THNSL1: variants seen among roughly 807,000 people sequenced by gnomAD.
THNSL1 encodes the protein threonine synthase like 1.
Under a neutral mutation model 50.4 loss-of-function variants are expected in THNSL1, and 48 were observed. The observed-to-expected ratio is 0.95, with a 90% CI of 0.76 to 1.21. THNSL1 has a LOEUF of 1.21. THNSL1 is among the 50% of genes most tolerant of loss of function. The pLI, the probability that THNSL1 is intolerant of heterozygous loss-of-function variation, is 0.00. For missense variants in THNSL1, 896 were observed against 871.7 expected (o/e 1.03, Z -0.35); for synonymous variants, 309 against 306.1 (o/e 1.01, Z -0.10).
the THNSL1 span, among the ~76,000 whole-genome samples, chr10:24,957,403 T>C: frequency 6.6e-6 from 1 of 152,240 alleles, no homozygotes; most frequent in African/African-American, 2.4e-5. Flanking sequence ...GTTTCCACTA[T>C]GTTTTTTTTC....
At chr10:24,974,365 A>G in the THNSL1 span, among the ~76,000 whole-genome samples, 1 of 152,196 alleles carries the variant, frequency 6.6e-6, no homozygotes. Flanking sequence ...GGATTGTAAT[A>G]ATAAAATATC....
At chr10:24,994,097 A>G in the THNSL1 span, among the ~76,000 whole-genome samples, 1 of 152,170 alleles carries the variant, frequency 6.6e-6, no homozygotes, top group Non-Finnish European at 1.5e-5. Flanking sequence ...GTGTCCTCTG[A>G]AAACAGCCTT....
chr10:24,965,492 ATC>A, the THNSL1 span, among the ~76,000 whole-genome samples: 1 of 152,154 alleles, frequency 6.6e-6, no homozygotes, highest in Non-Finnish European at 1.5e-5. Context: ...TCATCAAATT[ATC>A]TCTGTCAATT....
chr10:24,972,522 A>AAAAAAAAAT, the THNSL1 span, among the ~76,000 whole-genome samples: 79 of 150,138 alleles, frequency 5.3e-4, no homozygotes, highest in African/African-American at 1.9e-3. Context: ...AAAAAAAAAT[A>AAAAAAAAAT]AATAATAATA....
chr10:24,953,045 C>T, the THNSL1 span, among the ~76,000 whole-genome samples: 1 of 152,050 alleles, frequency 6.6e-6, no homozygotes, highest in African/African-American at 2.4e-5. Flanking sequence ...CTCCTCCCTG[C>T]CAGATTTCAT....
the THNSL1 span, chr10:24,952,396 TC>T: frequency 9.3e-7 from 1 of 1,079,228 alleles, no homozygotes; most frequent in Non-Finnish European, 1.4e-6. The surrounding 1 kb of genome is among the most constrained non-coding windows in gnomAD (Gnocchi z 5.1). Flanking sequence ...ATGGAAGCGA[TC>T]CCCGCCGGGA....
At chr10:25,012,090 C>T (rs185229461), upstream of THNSL1, among the ~76,000 whole-genome samples, 96 of 152,350 alleles carry the variant, frequency 6.3e-4, no homozygotes, top group African/African-American at 2.0e-3. Flanking sequence ...TCAGAGGGTG[C>T]GAGCCCCAAG....
At chr10:24,952,453 G>A in the THNSL1 span, 1 of 1,478,296 alleles carries the variant, frequency 6.8e-7, no homozygotes, top group East Asian at 2.5e-5. This position sits in a 1 kb window ranked among gnomAD's most constrained non-coding sequence, Gnocchi z 5.1. Context: ...CGCACGGCAA[G>A]CATTTAATCT....
At chr10:25,018,464 A>G (rs558942631) in intron 1 of THNSL1, among the ~76,000 whole-genome samples, 180 of 152,304 alleles carry the variant, frequency 1.2e-3, no homozygotes, top group African/African-American at 4.2e-3. Context: ...CAGTTTTGCC[A>G]TTGTAGCTCA....
the THNSL1 span, among the ~76,000 whole-genome samples, chr10:24,991,041 A>G: frequency 1.2e-3 from 178 of 152,336 alleles, 2 homozygotes; most frequent in African/African-American, 4.2e-3. Context: ...CAGAGGTTAC[A>G]GTGAGCCAAG....
the THNSL1 span, among the ~76,000 whole-genome samples, chr10:24,996,456 G>A: frequency 0.037 from 5,582 of 149,520 alleles, 274 homozygotes; most frequent in African/African-American, 0.11. Context: ...GTGTGTGTGT[G>A]TATATATATA....
chr10:24,983,683 CTG>C, the THNSL1 span: 3 of 152,048 alleles, frequency 2.0e-5, no homozygotes, highest in Non-Finnish European at 4.4e-5. Flanking sequence ...CTTCCAAATT[CTG>C]TGTTTGTGAA....
chr10:24,999,025 T>C, the THNSL1 span, among the ~76,000 whole-genome samples: 1 of 152,186 alleles, frequency 6.6e-6, no homozygotes, highest in Non-Finnish European at 1.5e-5. Context: ...TTTTCATCTC[T>C]TGGAGAAAAG....
upstream of THNSL1, among the ~76,000 whole-genome samples, chr10:25,016,472 G>A (rs973129427): frequency 6.6e-6 from 1 of 152,196 alleles, no homozygotes; most frequent in African/African-American, 2.4e-5. Context: ...CGGAGCGAGC[G>A]GCTGAGACCA....
upstream of THNSL1, chr10:25,016,160 C>A (rs1051694497): frequency 8.3e-6 from 10 of 1,198,748 alleles, no homozygotes; most frequent in Non-Finnish European, 1.0e-5. Context: ...GTTGACTGTG[C>A]GGTTGCCGTG....
the THNSL1 span, among the ~76,000 whole-genome samples, chr10:25,007,581 C>T: frequency 6.6e-6 from 1 of 152,074 alleles, no homozygotes; most frequent in Non-Finnish European, 1.5e-5. Flanking sequence ...ACTACAGGCG[C>T]CCGCCACCAC....
intron 1 of THNSL1, among the ~76,000 whole-genome samples, chr10:25,019,565 C>T (rs899606906): frequency 1.3e-5 from 2 of 152,160 alleles, no homozygotes; most frequent in African/African-American, 4.8e-5. Context: ...CTAGCATTTG[C>T]ATTGTATTAT....
chr10:24,984,048 G>A, the THNSL1 span: 26 of 277,598 alleles, frequency 9.4e-5, no homozygotes, highest in African/African-American at 4.8e-4. Context: ...TAAGAGTATC[G>A]AGGTTGGTAT....
chr10:25,025,528 C>G lies in THNSL1; in HGVS notation c.*73C>G. 1 of 1,399,490 alleles carries G rather than the reference C, an allele frequency of 7.1e-7. No individual in the cohort carries two copies. Among genetic ancestry groups the G allele is most frequent in the African/African-American group, 1.5e-5 (1 of 68,940 alleles). 86.7% of individuals were successfully genotyped at this position (1,399,490 alleles called of 1,614,324 possible). On this transcript the variant is annotated 3_prime_UTR_variant, in exon 3 of 3. Coordinates refer to ENST00000376356, the MANE Select transcript of THNSL1 (RefSeq NM_024838.5). ...AAATCTCAAACACTGATTTGGAGTA[C>G]AGTAGCATTTTGTCTTTTATGTAAA...
Sources: allele counts gnomAD v4.1 joint callset (sites outside exome capture counted in the v4.1 genomes callset), GRCh38; gene constraint gnomAD v4.1.1; non-coding constraint Gnocchi (gnomAD v3.1); transcripts MANE v1.5; gene names NCBI Gene and HGNC (gene_info 2026-07-23, HGNC 2026-07-21).